Variants in EYA1 observed in about 807,000 individuals in gnomAD.
EYA1 encodes the protein protein phosphatase EYA1.
A neutral mutation model predicts 82.0 loss-of-function variants in EYA1; 16 were observed. The observed-to-expected ratio is 0.20, with a 90% CI of 0.13 to 0.30. The LOEUF is 0.30. Among genes scored for constraint, EYA1 ranks in the 10% least tolerant of loss-of-function variants. The probability of loss-of-function intolerance (pLI) is 1.00; values close to 1 mark genes in which losing one functional copy is unlikely to be tolerated. For missense variants in EYA1, 633 were observed against 730.7 expected (o/e 0.87, Z 1.54); for synonymous variants, 261 against 264.4 (o/e 0.99, Z 0.12).
chr8:71,345,774 C>T (rs1825626873), intron 3 of EYA1, among the ~76,000 whole-genome samples: 1 of 152,096 alleles, frequency 6.6e-6, no homozygotes, highest in Admixed American at 6.6e-5. Flanking sequence ...CTTCTTAGTG[C>T]CCACTACCCC....
chr8:71,198,985 C>T lies in EYA1; in HGVS notation c.*355G>A, dbSNP rs940273934. ...AGTCTCTGTTGTGCAATTAGGTTTG[C>T]TGTATTGGAGAAGCTGTTTATATCA... On this transcript the variant is annotated 3_prime_UTR_variant, in exon 18 of 18. Coordinates refer to ENST00000340726, the MANE Select transcript of EYA1 (RefSeq NM_000503.6). 2 of 314,532 alleles carry T rather than the reference C, an allele frequency of 6.4e-6. No homozygotes were observed. The highest frequency in any genetic ancestry group is 2.1e-5 in the African/African-American group (1 of 46,752). 19.5% of individuals were successfully genotyped at this position (314,532 alleles called of 1,614,324 possible). A position where few individuals can be genotyped will look rare whatever the true frequency, so the allele number is the denominator to read the frequency against.
intron 3 of EYA1, among the ~76,000 whole-genome samples, chr8:71,348,167 A>G (rs550016053): frequency 6.6e-6 from 1 of 152,282 alleles, no homozygotes; most frequent in East Asian, 1.9e-4. Context: ...GAAAGAGAGG[A>G]GAATGAATTA....
intron 7 of EYA1, among the ~76,000 whole-genome samples, chr8:71,311,862 T>C (rs1821377718): frequency 6.6e-6 from 1 of 152,228 alleles, no homozygotes; most frequent in African/African-American, 2.4e-5. Flanking sequence ...TATTAGAGCA[T>C]GCACGACGAA....
In EYA1 at chr8:71,387,483, C is replaced by T. The variant is rs557955189; in HGVS notation, c.34-30972G>A. Among the ~76,000 whole-genome samples, 117 of 152,134 alleles carry T rather than the reference C, an allele frequency of 7.7e-4. 2 individuals carry two copies. The highest frequency in any genetic ancestry group is 2.3e-3 in the African/African-American group (97 of 41,506). ...GTAGCAGTGGTCCAGGTGAGAGAGA[C>T]GGACTTAGACCAGAGAAAAGTGACA... On this transcript the variant is annotated intron_variant, in intron 2 of 18. Transcript: ENST00000643681.
chr8:71,522,395 T>C (rs528544837), intron 2 of EYA1, among the ~76,000 whole-genome samples: 1 of 152,316 alleles, frequency 6.6e-6, no homozygotes, highest in South Asian at 2.1e-4. Context: ...AAGCTGTATA[T>C]GTAAAGTGCT....
chr8:71,505,720 A>T (rs1225886522), intron 2 of EYA1, among the ~76,000 whole-genome samples: 2 of 152,160 alleles, frequency 1.3e-5, no homozygotes, highest in Non-Finnish European at 2.9e-5. Flanking sequence ...GTGCCTTAGA[A>T]ACCATAAAAG....
intron 4 of EYA1, 77 bp from the exon 5 acceptor site, chr8:71,322,345 T>C: frequency 7.9e-7 from 1 of 1,262,812 alleles, no homozygotes; most frequent in Non-Finnish European, 1.2e-6. Context: ...CACTGACATA[T>C]TTTCAACTAT....
chr8:71,530,318 G>A (rs1431182485), intron 2 of EYA1, among the ~76,000 whole-genome samples: 1 of 152,156 alleles, frequency 6.6e-6, no homozygotes, highest in Non-Finnish European at 1.5e-5. Flanking sequence ...CCAGGTTCCA[G>A]AGGGAGCATG....
chr8:71,279,447 A>C (rs1563387633), intron 9 of EYA1, among the ~76,000 whole-genome samples: 1 of 152,240 alleles, frequency 6.6e-6, no homozygotes, highest in Admixed American at 6.5e-5. Context: ...TTGAAATCTA[A>C]GTCAAGAAGG....
At chr8:71,378,857 C>T (rs1311047482) in intron 2 of EYA1, among the ~76,000 whole-genome samples, 2 of 151,952 alleles carry the variant, frequency 1.3e-5, no homozygotes, top group African/African-American at 2.4e-5. Flanking sequence ...ATCCATTAAA[C>T]TTATGTGTTA....
At chr8:71,327,608 A>G (rs1350167543) in intron 4 of EYA1, among the ~76,000 whole-genome samples, 1 of 152,190 alleles carries the variant, frequency 6.6e-6, no homozygotes, top group Non-Finnish European at 1.5e-5. Context: ...ACTCAGCCAC[A>G]TGCCTTGGAA....
At chr8:71,406,947 G>T (rs371404157) in intron 2 of EYA1, among the ~76,000 whole-genome samples, 3 of 140,734 alleles carry the variant, frequency 2.1e-5, no homozygotes, top group Non-Finnish European at 3.2e-5. Context: ...AAAGACAGCA[G>T]TAACCTCTGC....
rs192918595 is a variant in EYA1, at chr8:71,480,537, C to A, written c.33+55207G>T. 1.8e-3 allele frequency among the ~76,000 whole-genome samples: 267 copies of A among 151,934 alleles called. 2 individuals carry two copies. Among genetic ancestry groups the A allele is most frequent in the African/African-American group, 6.2e-3 (257 of 41,416 alleles). ...AAAACTGAGAGATTAAGATCCACCCCGGAACAATTTATTTACCTTCTAAAG... is the reference window on the plus strand; with the variant it reads ...AAAACTGAGAGATTAAGATCCACCCAGGAACAATTTATTTACCTTCTAAAG... On this transcript the variant is annotated intron_variant, in intron 2 of 18. Transcript: ENST00000643681.
chr8:71,463,634 C>CTCTCT (rs1563640282), intron 2 of EYA1, among the ~76,000 whole-genome samples: 2 of 111,716 alleles, frequency 1.8e-5, no homozygotes, highest in Non-Finnish European at 3.9e-5. Context: ...TCTCTCTCTC[C>CTCTCT]CTCCCTCCCC....
chr8:71,333,075 G>A (rs966361024), intron 4 of EYA1, among the ~76,000 whole-genome samples: 5 of 152,110 alleles, frequency 3.3e-5, no homozygotes, highest in Non-Finnish European at 7.4e-5. Context: ...CTGTTCATTT[G>A]TTCATCCCAC....
intron 11 of EYA1, among the ~76,000 whole-genome samples, chr8:71,247,789 T>C (rs1367266758): frequency 6.6e-6 from 1 of 152,154 alleles, no homozygotes; most frequent in Non-Finnish European, 1.5e-5. Flanking sequence ...CAGATGTGTC[T>C]AAAACAAAAC....
chr8:71,501,227 G>A (rs968524690), intron 2 of EYA1, among the ~76,000 whole-genome samples: 1 of 152,188 alleles, frequency 6.6e-6, no homozygotes, highest in Non-Finnish European at 1.5e-5. Context: ...ATGAGGCAAG[G>A]CCTGGGATAA....
At chr8:71,433,095 G>T (rs1034380286) in intron 2 of EYA1, among the ~76,000 whole-genome samples, 1 of 152,024 alleles carries the variant, frequency 6.6e-6, no homozygotes, top group Non-Finnish European at 1.5e-5. Flanking sequence ...ATACCAAACT[G>T]CCCACACTCA....
chr8:71,325,216 A>G (rs75360848), intron 4 of EYA1, among the ~76,000 whole-genome samples: 3,590 of 152,250 alleles, frequency 0.024, 139 homozygotes, highest in African/African-American at 0.082. Flanking sequence ...TGTTGTTCAC[A>G]CTAGACTCAT....
Sources: allele counts gnomAD v4.1 joint callset (sites outside exome capture counted in the v4.1 genomes callset), GRCh38; gene constraint gnomAD v4.1.1; transcripts MANE v1.5; gene names NCBI Gene and HGNC (gene_info 2026-07-23, HGNC 2026-07-21).